MYO18A: variants seen among roughly 807,000 people sequenced by gnomAD.
MYO18A encodes the protein myosin XVIIIA, also known as unconventional myosin-XVIIIa.
Under a neutral mutation model 235.8 loss-of-function variants are expected in MYO18A, and 78 were observed. The ratio of observed to expected loss-of-function variants is 0.33; its 90% confidence interval spans 0.28 to 0.40. The LOEUF is 0.40. Among genes scored for constraint, MYO18A ranks in the 10% least tolerant of loss-of-function variants. The pLI, the probability that MYO18A is intolerant of heterozygous loss-of-function variation, is 1.00. For missense variants in MYO18A, 2,215 were observed against 2,699.3 expected (o/e 0.82, Z 3.98); for synonymous variants, 977 against 1,077.8 (o/e 0.91, Z 1.83).
At chr17:29,160,594 G>A (rs2068150601) in intron 2 of MYO18A, among the ~76,000 whole-genome samples, 1 of 152,220 alleles carries the variant, frequency 6.6e-6, no homozygotes, top group African/African-American at 2.4e-5. Context: ...AGGGAAAAGT[G>A]AACACTGAGG....
At chr17:29,099,435 C>T (rs1005038738) in intron 22 of MYO18A, among the ~76,000 whole-genome samples, 199 bp downstream of exon 22, 1 of 152,172 alleles carries the variant, frequency 6.6e-6, no homozygotes, top group African/African-American at 2.4e-5. Flanking sequence ...TACCCCTCAT[C>T]AAAGCCCTCC....
chr17:29,114,094 T>C lies in MYO18A; in HGVS notation c.2515A>G (p.Asn839Asp). The C allele has an allele frequency of 6.3e-7, 1 of 1,595,038 alleles. No homozygotes were observed. Among genetic ancestry groups the C allele is most frequent in the Non-Finnish European group, 8.5e-7 (1 of 1,171,086 alleles). Residue 839 changes from asparagine to aspartate, a missense_variant, in exon 15 of 42, where the codon AAC becomes GAC. By Grantham distance (23) the Asn-to-Asp change is conservative. Transcript: ENST00000527372. ...VQELERYKEE[N>D]IELAFDDLEP... ...AAGTCGTCAAACGCCAGCTCGATGT[T>C]CTCCTGGGAAAGAAGGCCGAGCGGT... is the stretch of plus-strand genomic sequence containing the variant.
At position 29,120,551 on chromosome 17, in the gene MYO18A, A is replaced by G; in HGVS notation, c.1728+65T>C. On this transcript the variant is annotated intron_variant, in intron 7 of 41. Transcript: ENST00000527372. The surrounding 1 kb of genome is among the most constrained non-coding windows in gnomAD (Gnocchi z 4.2). ...AAAATGAGGCATGGGAGAGAGCCTG[A>G]TGTCTAGGTCATGAAATCATGTGGC... 1.9e-6 allele frequency: 3 copies of G among 1,552,458 alleles called. No homozygotes were observed. The highest frequency in any genetic ancestry group is 2.6e-6 in the Non-Finnish European group (3 of 1,147,040).
In MYO18A at chr17:29,110,513, T is replaced by C; in HGVS notation, c.3010A>G (p.Ser1004Gly). 1 of 1,606,364 alleles carries C rather than the reference T, an allele frequency of 6.2e-7. No homozygotes were observed. The highest frequency in any genetic ancestry group is 8.5e-7 in the Non-Finnish European group (1 of 1,176,780). The change falls in exon 18 of 42, where the codon AGC (serine) becomes GGC (glycine). Residue 1004 changes from serine (S) to glycine (G), a missense_variant. Ser to Gly is a moderately conservative substitution (Grantham distance 56). Transcript: ENST00000527372. Reference protein sequence around the residue: ...GSQLALRRATSMRKTFTTGMA... With the variant: ...GSQLALRRATGMRKTFTTGMA... ...CCTGTGGTAAAGGTTTTCCGCATGC[T>C]GGTGGCCCGGCGCAGTGCCAGCTGC...
chr17:29,135,249 C>T (rs2067569527), intron 2 of MYO18A, among the ~76,000 whole-genome samples: 1 of 152,042 alleles, frequency 6.6e-6, no homozygotes, highest in African/African-American at 2.4e-5. Flanking sequence ...TACAGGTGTC[C>T]ACCACCATGC....
chr17:29,162,737 T>A (rs2068200460), intron 2 of MYO18A, among the ~76,000 whole-genome samples: 1 of 152,184 alleles, frequency 6.6e-6, no homozygotes, highest in Admixed American at 6.6e-5. Flanking sequence ...GCTTCCCTAA[T>A]GGATGGGCAG....
At chr17:29,136,401 A>G (rs929066709) in intron 2 of MYO18A, among the ~76,000 whole-genome samples, 1 of 150,712 alleles carries the variant, frequency 6.6e-6, no homozygotes, top group Non-Finnish European at 1.5e-5. Flanking sequence ...GTGGCAGCAT[A>G]TGTGTTGGGA....
chr17:29,144,418 C>T (rs995812365), intron 2 of MYO18A, among the ~76,000 whole-genome samples: 1 of 152,212 alleles, frequency 6.6e-6, no homozygotes, highest in Admixed American at 6.5e-5. Flanking sequence ...CCAGGCCCAT[C>T]TCAACTCCTG....
chr17:29,128,868 T>A (rs558819528), intron 2 of MYO18A, among the ~76,000 whole-genome samples: 1 of 152,282 alleles, frequency 6.6e-6, no homozygotes, highest in Non-Finnish European at 1.5e-5. Context: ...TGAGGTGCTC[T>A]GGGGTTACTG....
Position 29,111,649 on chromosome 17 carries a change from C to T in MYO18A, c.2741-66G>A, listed in dbSNP as rs1363500345. The T allele has an allele frequency of 1.2e-6, 2 of 1,611,470 alleles. No individual in the cohort carries two copies. Among genetic ancestry groups the T allele is most frequent in the Middle Eastern group, 1.6e-4 (1 of 6,076 alleles). On this transcript the variant is annotated intron_variant, in intron 16 of 41. Transcript: ENST00000527372. The surrounding 1 kb of genome is among the most constrained non-coding windows in gnomAD (Gnocchi z 5.1). ...GGCACAAAGTGACCCCCGCCCCCTC[C>T]CAGGGAGTGCCACCTGGACCCACCT... is the stretch of plus-strand genomic sequence containing the variant.
In MYO18A at chr17:29,121,137, G is replaced by A; in HGVS notation, c.1446C>T (p.Tyr482=). The change falls in exon 6 of 42, where the codon TAC becomes TAT. Residue 482 remains tyrosine, a synonymous_variant. Coordinates refer to ENST00000527372, the MANE Select transcript of MYO18A (RefSeq NM_078471.4). The surrounding 1 kb of genome is among the most constrained non-coding windows in gnomAD (Gnocchi z 4.2). The part of the protein sequence containing the change: ...PHIYAVAQTA[Y]RAMLMSRQDQ... ...CCTGACGGCTCATCAGCATCGCCCT[G>A]TATGCGGTCTGGGCCACTGCATAGA... The A allele has an allele frequency of 3.7e-6, 6 of 1,611,110 alleles. No individual in the cohort carries two copies. Among genetic ancestry groups the A allele is most frequent in the Non-Finnish European group, 5.1e-6 (6 of 1,178,766 alleles).
chr17:29,076,319 T>C (rs969299455), intron 41 of MYO18A: 5 of 148,368 alleles, frequency 3.4e-5, no homozygotes, highest in African/African-American at 5.0e-5. Context: ...CGCCACTCGA[T>C]TGGTTGACCT....
chr17:29,140,190 G>A lies in MYO18A; in HGVS notation c.1000-17937C>T, dbSNP rs138720958. 243 of 392,800 alleles carry A rather than the reference G, an allele frequency of 6.2e-4. 1 individual carries two copies. The highest frequency in any genetic ancestry group is 4.9e-3 in the African/African-American group (226 of 45,788). 24.3% of individuals were successfully genotyped at this position (392,800 alleles called of 1,614,324 possible). A position where few individuals can be genotyped will look rare whatever the true frequency, so the allele number is the denominator to read the frequency against. ...TAACTCCCTTCTTACCAAGAAGCTC[G>A]GAGAGGAGCCCCAAGGCTGCCCCAC... On this transcript the variant is annotated intron_variant, in intron 2 of 41. Coordinates refer to ENST00000527372, the MANE Select transcript of MYO18A (RefSeq NM_078471.4). The surrounding 1 kb of genome is among the most constrained non-coding windows in gnomAD (Gnocchi z 4.2).
intron 2 of MYO18A, chr17:29,129,185 G>A (rs1047975603): frequency 7.9e-6 from 9 of 1,133,798 alleles, no homozygotes; most frequent in Middle Eastern, 2.3e-4. Context: ...TCCTCACAGC[G>A]TCCCTCGTCT....
At chr17:29,123,363 AG>A (rs2067245976) in intron 2 of MYO18A, among the ~76,000 whole-genome samples, 1 of 152,126 alleles carries the variant, frequency 6.6e-6, no homozygotes, top group Admixed American at 6.5e-5. Flanking sequence ...ACACTCTCGG[AG>A]GGCCCCAGCT....
At chr17:29,091,444 A>C (rs2066396395) in intron 34 of MYO18A, 1 of 340,288 alleles carries the variant, frequency 2.9e-6, no homozygotes, top group Non-Finnish European at 5.8e-6. Flanking sequence ...AAATGAATGA[A>C]TCTATTAGCC....
rs370246950 is a variant in MYO18A at position 29,073,805 on chromosome 17, G to C, written c.*965C>G. 3 of 1,539,964 alleles carry C rather than the reference G, an allele frequency of 1.9e-6. No homozygotes were observed. The African/African-American group carries it at 4.1e-5, about 21-fold the overall frequency. ...CACAGAGTGAGGACTCATGTCTAAT[G>C]AGCACCGGCCAAAACTTCCATCTTC... is the stretch of plus-strand genomic sequence containing the variant. On this transcript the variant is annotated 3_prime_UTR_variant, in exon 42 of 42. Coordinates refer to ENST00000527372, the MANE Select transcript of MYO18A (RefSeq NM_078471.4).
At chr17:29,144,548 G>C (rs2067807414) in intron 2 of MYO18A, among the ~76,000 whole-genome samples, 1 of 152,168 alleles carries the variant, frequency 6.6e-6, no homozygotes, top group Non-Finnish European at 1.5e-5. Context: ...TCTGACCTAA[G>C]GGAAAGTTAC....
At chr17:29,133,195 C>G (rs533468185) in intron 2 of MYO18A, among the ~76,000 whole-genome samples, 1 of 152,344 alleles carries the variant, frequency 6.6e-6, no homozygotes, top group Admixed American at 6.5e-5. Context: ...AAACACTGGG[C>G]CCAGCTCTGA....
Sources: allele counts gnomAD v4.1 joint callset (sites outside exome capture counted in the v4.1 genomes callset), GRCh38; gene constraint gnomAD v4.1.1; non-coding constraint Gnocchi (gnomAD v3.1); transcripts MANE v1.5; gene names NCBI Gene and HGNC (gene_info 2026-07-23, HGNC 2026-07-21).